GALNT13: variants seen among roughly 807,000 people sequenced by gnomAD.
The protein encoded by GALNT13 is polypeptide N-acetylgalactosaminyltransferase 13, also known as UDP-GalNAc:polypeptide N-acetylgalactosaminyltransferase 13.
GALNT13 carries 28 observed loss-of-function variants against 64.2 expected under a neutral mutation model. The ratio of observed to expected loss-of-function variants is 0.44; its 90% CI spans 0.32 to 0.60. The LOEUF is 0.60. Ranked by LOEUF, GALNT13 falls within the 20% of genes least tolerant of loss-of-function variation. The pLI, the probability that GALNT13 is intolerant of heterozygous loss-of-function variation, is 0.05. For missense variants in GALNT13, 577 were observed against 669.8 expected (o/e 0.86, Z 1.53); for synonymous variants, 214 against 224.6 (o/e 0.95, Z 0.42).
the GALNT13 span, among the ~76,000 whole-genome samples, chr2:153,096,267 A>AT: frequency 1.1e-4 from 17 of 150,958 alleles, 1 homozygote; most frequent in Non-Finnish European, 1.5e-4. Context: ...ATGTTTTAAG[A>AT]TTTTTTTTTG....
chr2:154,416,594 A>G (rs938218997), intron 11 of GALNT13, among the ~76,000 whole-genome samples: 10 of 152,208 alleles, frequency 6.6e-5, no homozygotes, highest in African/African-American at 2.4e-4. Context: ...TCTAGGTAGT[A>G]TATGACTAAG....
At chr2:154,196,758 C>T (rs1686899687) in intron 4 of GALNT13, among the ~76,000 whole-genome samples, 1 of 152,196 alleles carries the variant, frequency 6.6e-6, no homozygotes, top group African/African-American at 2.4e-5. Context: ...TTTGGACTTT[C>T]ACAATCAAAA....
At chr2:154,187,135 C>T (rs186531046) in intron 4 of GALNT13, among the ~76,000 whole-genome samples, 2 of 152,092 alleles carry the variant, frequency 1.3e-5, no homozygotes, top group East Asian at 3.9e-4. Context: ...AAAGTGAATT[C>T]TGGATTACCA....
chr2:153,223,121 A>G, the GALNT13 span, among the ~76,000 whole-genome samples: 1 of 152,218 alleles, frequency 6.6e-6, no homozygotes, highest in African/African-American at 2.4e-5. Flanking sequence ...ATTCAAGAAG[A>G]TAAAACAATC....
chr2:153,876,981 C>G (rs953835700), intron 1 of GALNT13, among the ~76,000 whole-genome samples: 6 of 151,988 alleles, frequency 3.9e-5, no homozygotes, highest in Admixed American at 2.0e-4. Context: ...CCATAATTAC[C>G]TACCCTTCAG....
At chr2:153,129,542 A>G in the GALNT13 span, among the ~76,000 whole-genome samples, 1 of 152,180 alleles carries the variant, frequency 6.6e-6, no homozygotes, top group Non-Finnish European at 1.5e-5. Context: ...TGGGAGGCCG[A>G]GGTGAGCAGA....
chr2:153,458,915 T>C, the GALNT13 span, among the ~76,000 whole-genome samples: 32 of 152,318 alleles, frequency 2.1e-4, 1 homozygote, highest in East Asian at 5.8e-3. Context: ...TATTGGCCTT[T>C]ACTTGTTCTT....
At chr2:153,776,914 T>A in the GALNT13 span, among the ~76,000 whole-genome samples, 1 of 152,224 alleles carries the variant, frequency 6.6e-6, no homozygotes, top group East Asian at 1.9e-4. Context: ...CATGTCTGAA[T>A]CAAGTTTTTC....
chr2:153,969,278 T>C (rs1693587907), intron 3 of GALNT13, among the ~76,000 whole-genome samples: 1 of 152,082 alleles, frequency 6.6e-6, no homozygotes, highest in Admixed American at 6.5e-5. Flanking sequence ...CCCCATAATT[T>C]ACCTGAAGTT....
At chr2:154,310,687 A>G (rs568331832) in intron 9 of GALNT13, among the ~76,000 whole-genome samples, 8 of 152,158 alleles carry the variant, frequency 5.3e-5, no homozygotes, top group Non-Finnish European at 1.2e-4. Context: ...TGTGAACCCA[A>G]GAGGATATTT....
chr2:153,729,929 A>G, the GALNT13 span, among the ~76,000 whole-genome samples: 40 of 151,260 alleles, frequency 2.6e-4, no homozygotes, highest in East Asian at 6.8e-3. Flanking sequence ...GATGAACGAA[A>G]TTATAGATGA....
At chr2:153,190,626 T>C in the GALNT13 span, among the ~76,000 whole-genome samples, 1 of 152,084 alleles carries the variant, frequency 6.6e-6, no homozygotes, top group African/African-American at 2.4e-5. Flanking sequence ...ATGTGATTGC[T>C]ATTTTGATAG....
chr2:153,565,730 G>A, the GALNT13 span, among the ~76,000 whole-genome samples: 1 of 152,040 alleles, frequency 6.6e-6, no homozygotes, highest in Non-Finnish European at 1.5e-5. Context: ...ATTAAGTGAG[G>A]ACTTACTATA....
chr2:154,417,686 A>G (rs1574268890), intron 11 of GALNT13, among the ~76,000 whole-genome samples: 1 of 151,390 alleles, frequency 6.6e-6, no homozygotes, highest in Admixed American at 6.6e-5. Context: ...TAATTTTTGT[A>G]TTTTTAGTAG....
At chr2:154,298,827 C>T (rs1457422094) in intron 8 of GALNT13, among the ~76,000 whole-genome samples, 1,222 of 3,282 alleles carry the variant, frequency 0.37, 498 homozygotes, top group Middle Eastern at 0.67. Context: ...TTTATATATA[C>T]ATTATATATA....
the GALNT13 span, among the ~76,000 whole-genome samples, chr2:153,415,709 A>C: frequency 0.04 from 6,089 of 152,268 alleles, 138 homozygotes; most frequent in Middle Eastern, 0.065. Flanking sequence ...GTTTTGCTAA[A>C]ATGGACTTTA....
the GALNT13 span, among the ~76,000 whole-genome samples, chr2:153,693,484 A>G: frequency 6.6e-6 from 1 of 152,176 alleles, no homozygotes; most frequent in Non-Finnish European, 1.5e-5. Flanking sequence ...GTAAACCAAA[A>G]AGTGACTGAG....
intron 8 of GALNT13, chr2:154,287,203 TG>T (rs1692317870): frequency 6.9e-7 from 1 of 1,457,910 alleles, no homozygotes; most frequent in African/African-American, 1.4e-5. Context: ...GGGCCAGATT[TG>T]TGGTGGAAAA....
chr2:153,909,552 T>A (rs925188695), intron 2 of GALNT13, among the ~76,000 whole-genome samples: 2 of 152,058 alleles, frequency 1.3e-5, no homozygotes, highest in Admixed American at 6.6e-5. Context: ...TTATGTGATG[T>A]TTGCTGTGGT....
Sources: allele counts gnomAD v4.1 joint callset (sites outside exome capture counted in the v4.1 genomes callset), GRCh38; gene constraint gnomAD v4.1.1; transcripts MANE v1.5; gene names NCBI Gene and HGNC (gene_info 2026-07-23, HGNC 2026-07-21).